The following CTBP2 variants were observed in gnomAD, a reference collection of about 807,000 sequenced individuals.
CTBP2 encodes C-terminal-binding protein 2.
In CTBP2, 30 loss-of-function variants were observed where a neutral mutation model predicts 80.3. The ratio of observed to expected loss-of-function variants is 0.37; its 90% CI spans 0.28 to 0.51. CTBP2 has a LOEUF of 0.51. CTBP2 is among the 20% of genes least tolerant of loss of function. The pLI is 0.93. For missense variants in CTBP2, 1,212 were observed against 1,375.3 expected (o/e 0.88, Z 1.88); for synonymous variants, 594 against 587.4 (o/e 1.01, Z -0.16).
chr10:125,015,496 C>T (rs1406617573), intron 1 of CTBP2, among the ~76,000 whole-genome samples: 1 of 152,226 alleles, frequency 6.6e-6, no homozygotes, highest in Non-Finnish European at 1.5e-5. Context: ...CCCTGCCTCG[C>T]TGGGGCCACA....
At chr10:125,013,626 T>C (rs971362746) in intron 1 of CTBP2, among the ~76,000 whole-genome samples, 1 of 152,180 alleles carries the variant, frequency 6.6e-6, no homozygotes, top group Non-Finnish European at 1.5e-5. Context: ...CGGCCACTTC[T>C]CTTGCACCCT....
At chr10:125,005,608 C>G (rs1430697340) in intron 1 of CTBP2, 13 of 1,612,850 alleles carry the variant, frequency 8.1e-6, no homozygotes, top group Non-Finnish European at 1.1e-5. Flanking sequence ...ACCCCCTCAG[C>G]TCATCCGCGA....
intron 1 of CTBP2, among the ~76,000 whole-genome samples, chr10:125,127,811 CTTAAG>C (rs1174746660): frequency 2.0e-5 from 3 of 152,182 alleles, no homozygotes; most frequent in East Asian, 1.9e-4. Flanking sequence ...AGCTGCCCAA[CTTAAG>C]TTATCTGTTA....
Position 124,987,871 on chromosome 10 carries a change from TTC to T in CTBP2, c.*1645_*1646del. The T allele has an allele frequency of 6.6e-6, 1 of 152,370 alleles. No individual in the cohort carries two copies. Among genetic ancestry groups the T allele is most frequent in the South Asian group, 2.1e-4 (1 of 4,830 alleles). 9.4% of individuals were successfully genotyped at this position (152,370 alleles called of 1,614,324 possible). A position where few individuals can be genotyped will look rare whatever the true frequency, so the allele number is the denominator to read the frequency against. On this transcript the variant is annotated 3_prime_UTR_variant, in exon 9 of 9. Transcript: ENST00000309035. Reference sequence around the variant, plus strand: ...AAATACTTTTAGTATAAAGGTTTAATTCTATTTAAAAAGAAGATCCATTAAAT... The same window carrying T: ...AAATACTTTTAGTATAAAGGTTTAATTATTTAAAAAGAAGATCCATTAAAT...
chr10:125,115,390 C>T (rs899294428), intron 1 of CTBP2, among the ~76,000 whole-genome samples: 3 of 152,158 alleles, frequency 2.0e-5, no homozygotes, highest in Non-Finnish European at 2.9e-5. Context: ...AAGTTTCCCA[C>T]AGGTAATGGA....
chr10:125,070,940 C>A (rs2135450828), intron 2 of CTBP2, among the ~76,000 whole-genome samples: 1 of 152,304 alleles, frequency 6.6e-6, no homozygotes, highest in East Asian at 1.9e-4. Flanking sequence ...TAAAATTTTT[C>A]TAAAATAAAA....
intron 1 of CTBP2, among the ~76,000 whole-genome samples, chr10:125,154,599 G>A (rs925568146): frequency 1.3e-5 from 2 of 152,230 alleles, no homozygotes; most frequent in Middle Eastern, 3.2e-3. Context: ...CTGAGGGAGG[G>A]ACTAGGCATA....
intron 2 of CTBP2, among the ~76,000 whole-genome samples, chr10:125,076,601 C>T (rs1243155149): frequency 1.3e-5 from 2 of 152,200 alleles, no homozygotes; most frequent in Admixed American, 6.5e-5. Flanking sequence ...CGCCTCTCCA[C>T]GCAGCACAGA....
intron 2 of CTBP2, among the ~76,000 whole-genome samples, chr10:125,071,454 C>A (rs1464673527): frequency 6.6e-6 from 1 of 152,230 alleles, no homozygotes; most frequent in Non-Finnish European, 1.5e-5. Flanking sequence ...CCAAGTGGGA[C>A]AGGAAATTAA....
At chr10:125,067,367 A>C (rs1297470372) in intron 2 of CTBP2, among the ~76,000 whole-genome samples, 1 of 152,270 alleles carries the variant, frequency 6.6e-6, no homozygotes, top group African/African-American at 2.4e-5. Flanking sequence ...ATATCAGATC[A>C]TCAGAATACA....
chr10:125,047,944 G>C (rs1188980026), intron 2 of CTBP2, among the ~76,000 whole-genome samples: 2 of 152,150 alleles, frequency 1.3e-5, no homozygotes, highest in Non-Finnish European at 2.9e-5. Context: ...AAAATCTTCA[G>C]GTTAGATTTT....
At chr10:125,141,625 G>T (rs965527416) in intron 1 of CTBP2, among the ~76,000 whole-genome samples, 1 of 152,010 alleles carries the variant, frequency 6.6e-6, no homozygotes, top group Admixed American at 6.6e-5. Flanking sequence ...TAAGCACATG[G>T]CAAGCACACA....
chr10:125,079,236 C>T (rs567042894), intron 2 of CTBP2, among the ~76,000 whole-genome samples: 6 of 152,014 alleles, frequency 3.9e-5, no homozygotes, highest in Non-Finnish European at 5.9e-5. Flanking sequence ...GGATATCACC[C>T]GGCTCCACCA....
chr10:125,039,633 GCAGGGGT>G (rs1477394874), intron 2 of CTBP2, among the ~76,000 whole-genome samples: 1 of 152,188 alleles, frequency 6.6e-6, no homozygotes, highest in South Asian at 2.1e-4. Context: ...AAACAGCCGC[GCAGGGGT>G]CAGGGGTCAA....
intron 2 of CTBP2, among the ~76,000 whole-genome samples, chr10:125,092,610 T>C (rs1315942377): frequency 1.3e-5 from 2 of 152,174 alleles, no homozygotes; most frequent in Non-Finnish European, 2.9e-5. Flanking sequence ...CACACGGGCA[T>C]GGCGGCCTCA....
At chr10:125,116,368 C>T (rs1015914706) in intron 1 of CTBP2, among the ~76,000 whole-genome samples, 4 of 152,180 alleles carry the variant, frequency 2.6e-5, no homozygotes, top group African/African-American at 4.8e-5. Flanking sequence ...ACTCCCTCGG[C>T]ACCCATGCTG....
chr10:125,051,510 G>C (rs560883553), intron 2 of CTBP2, among the ~76,000 whole-genome samples: 3 of 152,010 alleles, frequency 2.0e-5, no homozygotes, highest in Non-Finnish European at 4.4e-5. Context: ...TGTGGTGGTG[G>C]GCACCTGTAA....
intron 1 of CTBP2, among the ~76,000 whole-genome samples, chr10:125,139,478 T>C (rs1260386358): frequency 6.6e-6 from 1 of 151,956 alleles, no homozygotes; most frequent in Non-Finnish European, 1.5e-5. Context: ...TTTTCTTAAG[T>C]GGTCCCCTTT....
At chr10:125,081,300 C>A (rs1847135417) in intron 2 of CTBP2, among the ~76,000 whole-genome samples, 1 of 152,186 alleles carries the variant, frequency 6.6e-6, no homozygotes. Flanking sequence ...AACGCAGAAT[C>A]CGAAGTTTCT....
Sources: gnomAD v4.1 joint callset for allele counts (sites outside exome capture counted in the v4.1 genomes callset) on GRCh38, gnomAD v4.1.1 for gene constraint, MANE v1.5 for transcripts, NCBI Gene and HGNC (gene_info 2026-07-23, HGNC 2026-07-21) for gene names.